Variants in UBE2O observed in about 807,000 individuals in gnomAD.
UBE2O encodes the protein (E3-independent) E2 ubiquitin-conjugating enzyme.
UBE2O carries 15 observed loss-of-function variants against 125.8 expected under a neutral mutation model. The observed-to-expected ratio is 0.12, with a 90% CI of 0.08 to 0.18. The LOEUF (loss-of-function observed/expected upper bound fraction) is 0.18, where lower values mean the gene tolerates loss of function less well. Ranked by LOEUF, UBE2O falls within the 10% of genes least tolerant of loss-of-function variation. UBE2O has a pLI of 1.00. For synonymous variants in UBE2O, 708 were observed against 703.2 expected, an observed-to-expected ratio of 1.01 and a Z score of -0.11; for missense variants, 1,280 against 1,723.6, an observed-to-expected ratio of 0.74 and a Z score of 4.56.
chr17:76,390,183 C>T lies in UBE2O; in HGVS notation c.*760G>A, dbSNP rs2072081082. The T allele has an allele frequency of 6.5e-6, 1 of 152,824 alleles. No homozygotes were observed. The highest frequency in any genetic ancestry group is 1.9e-4 in the East Asian group (1 of 5,200). 9.5% of individuals were successfully genotyped at this position (152,824 alleles called of 1,614,324 possible). ...GGCCTTGTGCAGCTGCTCTTGCCCC[C>T]AGCAGCCTCCGACAGAAGAGCAAGG... On this transcript the variant is annotated 3_prime_UTR_variant, in exon 18 of 18. Transcript: ENST00000319380.
At chr17:76,407,903 C>G (rs2072451503) in intron 1 of UBE2O, among the ~76,000 whole-genome samples, 1 of 152,216 alleles carries the variant, frequency 6.6e-6, no homozygotes, top group Non-Finnish European at 1.5e-5. Flanking sequence ...AGTTACATTT[C>G]TCCAAAGACC....
intron 1 of UBE2O, among the ~76,000 whole-genome samples, chr17:76,434,071 TTATTTC>T (rs1217542505): frequency 6.6e-6 from 1 of 152,222 alleles, no homozygotes; most frequent in Non-Finnish European, 1.5e-5. Context: ...CTATAGACTT[TTATTTC>T]CTAAGAAAGA....
Position 76,397,831 on chromosome 17 carries a change from C to A in UBE2O, c.2083G>T (p.Ala695Ser), listed in dbSNP as rs758205503. The change falls in exon 13 of 18, where the codon GCT becomes TCT. Residue 695 changes from alanine (A) to serine (S), a missense_variant. Transcript: ENST00000319380. ...AGGATGATGGTCTTTGAGTTGTCAG[C>A]CCACACCACCTCCACCTTGCTGCTG... is the stretch of plus-strand genomic sequence containing the variant. ...DVSSKVEVVW[A>S]DNSKTIILPQ... 1 of 1,614,198 alleles carries A rather than the reference C, an allele frequency of 6.2e-7. No individual in the cohort carries two copies. Among genetic ancestry groups the A allele is most frequent in the Non-Finnish European group, 8.5e-7 (1 of 1,180,044 alleles).
chr17:76,403,006 G>T (rs1357174335), intron 3 of UBE2O, among the ~76,000 whole-genome samples: 4 of 152,172 alleles, frequency 2.6e-5, no homozygotes, highest in Non-Finnish European at 5.9e-5. Flanking sequence ...GGACATCCAT[G>T]GACACAGGAC....
At chr17:76,419,214 G>T (rs2072667499) in intron 1 of UBE2O, among the ~76,000 whole-genome samples, 1 of 146,092 alleles carries the variant, frequency 6.8e-6, no homozygotes, top group South Asian at 2.2e-4. Flanking sequence ...AGCCCAGGGG[G>T]TCAAGGCTGC....
At chr17:76,437,417 T>C (rs898141504) in intron 1 of UBE2O, among the ~76,000 whole-genome samples, 1 of 135,054 alleles carries the variant, frequency 7.4e-6, no homozygotes, top group African/African-American at 2.9e-5. Flanking sequence ...GCCACTGCAC[T>C]CCAGCCTGGG....
chr17:76,398,501 T>C lies in UBE2O; in HGVS notation c.1867A>G (p.Lys623Glu). 2 of 1,614,062 alleles carry C rather than the reference T, an allele frequency of 1.2e-6. No homozygotes were observed. Among genetic ancestry groups the C allele is most frequent in the Non-Finnish European group, 1.7e-6 (2 of 1,179,984 alleles). ...ACGTCGTCCCCACTCGGCCTCAGCT[T>C]GAACCACTTCACCATGCAGGTACGG... Reference protein sequence around the residue: ...IGRTCMVKWFKLRPSGDDVEL... With the variant: ...IGRTCMVKWFELRPSGDDVEL... Residue 623 changes from lysine (K) to glutamate (E), a missense_variant, in exon 11 of 18, where the codon AAG becomes GAG. By Grantham distance (56) the Lys-to-Glu change is moderately conservative (BLOSUM62 1). Around this residue, in one of 10 missense-constraint regions of UBE2O, gnomAD observed 145 missense variants for 219.6 expected, o/e 0.66. Coordinates refer to ENST00000319380, the MANE Select transcript of UBE2O (RefSeq NM_022066.4). This position sits in a 1 kb window ranked among gnomAD's most constrained non-coding sequence, Gnocchi z 5.4.
chr17:76,396,255 C>A lies in UBE2O; in HGVS notation c.2682G>T (p.Gly894=). ...DVERKEDKPE[G]QSPVKAEWPS... is the part of the protein sequence containing the mutation. Reference sequence around the variant, plus strand: ...GCCACTCAGCCTTCACAGGTGACTGCCCCTCGGGCTTGTCCTCCTTGCGCT... The same window carrying A: ...GCCACTCAGCCTTCACAGGTGACTGACCCTCGGGCTTGTCCTCCTTGCGCT... The change falls in exon 14 of 18, where the codon GGG becomes GGT. Residue 894 remains glycine, a synonymous_variant. Coordinates refer to ENST00000319380, the MANE Select transcript of UBE2O (RefSeq NM_022066.4). This position sits in a 1 kb window ranked among gnomAD's most constrained non-coding sequence, Gnocchi z 6.7. The A allele has an allele frequency of 6.2e-7, 1 of 1,614,214 alleles. No individual in the cohort carries two copies. Among genetic ancestry groups the A allele is most frequent in the Non-Finnish European group, 8.5e-7 (1 of 1,180,036 alleles).
chr17:76,391,975 G>A lies in UBE2O; in HGVS notation c.3085C>T (p.Leu1029=), dbSNP rs143045605. The A allele has an allele frequency of 2.6e-4, 426 of 1,608,084 alleles. No homozygotes were observed. Among genetic ancestry groups the A allele is most frequent in the Admixed American group, 1.4e-3 (79 of 57,898 alleles). The part of the protein sequence containing the change: ...FCYLSQCSGR[L]NPNLYDNGKV... ...CCATTGTCATACAGGTTGGGGTTCA[G>A]GCGGCCACTGCATTGGGAGAGGTAG... Residue 1029 remains leucine, a synonymous_variant, in exon 16 of 18, where the codon CTG becomes TTG. Coordinates refer to ENST00000319380, the MANE Select transcript of UBE2O (RefSeq NM_022066.4). The surrounding 1 kb of genome is among the most constrained non-coding windows in gnomAD (Gnocchi z 8.4).
At chr17:76,401,894 A>G in intron 5 of UBE2O, 170 bp downstream of exon 5, 1 of 435,020 alleles carries the variant, frequency 2.3e-6, no homozygotes, top group Non-Finnish European at 4.0e-6. Context: ...AAAAAAAAAA[A>G]AGTTCTAATA....
chr17:76,439,336 C>T (rs988017765), intron 1 of UBE2O, among the ~76,000 whole-genome samples: 8 of 152,208 alleles, frequency 5.3e-5, no homozygotes, highest in Admixed American at 1.3e-4. Flanking sequence ...ACTTCTTCCA[C>T]CCCACCTCTA....
intron 1 of UBE2O, among the ~76,000 whole-genome samples, chr17:76,438,886 C>T (rs538965258): frequency 6.6e-6 from 1 of 152,290 alleles, no homozygotes; most frequent in Non-Finnish European, 1.5e-5. Flanking sequence ...TGACGCCATG[C>T]ACACCGAGGG....
chr17:76,390,815 G>T lies in UBE2O; in HGVS notation c.*128C>A. ...TGCACTTCAGCATCAAACTCACCTT[G>T]GGGAGAAGAGGGCAGTGGGTTTGCA... On this transcript the variant is annotated 3_prime_UTR_variant, in exon 18 of 18. Transcript: ENST00000319380. 1 of 917,504 alleles carries T rather than the reference G, an allele frequency of 1.1e-6. No homozygotes were observed. The highest frequency in any genetic ancestry group is 1.6e-6 in the Non-Finnish European group (1 of 616,320). The allele number at this position is 917,504 out of a possible 1,614,324, so 56.8% of individuals were successfully genotyped here.
At chr17:76,445,715 A>C (rs1157656045) in intron 1 of UBE2O, among the ~76,000 whole-genome samples, 3 of 152,244 alleles carry the variant, frequency 2.0e-5, no homozygotes, top group Non-Finnish European at 2.9e-5. Flanking sequence ...GGAGTAGATA[A>C]ATCCAGAGAG....
In UBE2O at chr17:76,394,646, T is replaced by C. The variant is rs553842169; in HGVS notation, c.2946+1079A>G. 3.9e-5 allele frequency among the ~76,000 whole-genome samples: 6 copies of C among 152,202 alleles called. 1 individual carries two copies. The East Asian group carries it at 9.7e-4, about 24-fold the overall frequency. On this transcript the variant is annotated intron_variant, in intron 15 of 17. Transcript: ENST00000319380. The stretch of plus-strand genomic sequence containing the variant: ...AATGTAAAAATATTTTTTTAGTGTA[T>C]AAATAATGTAAAAGTATAAAAAAAA...
At chr17:76,417,276 C>T (rs566469042) in intron 1 of UBE2O, among the ~76,000 whole-genome samples, 2 of 152,350 alleles carry the variant, frequency 1.3e-5, no homozygotes, top group South Asian at 4.1e-4. Context: ...CGAAAGTCAA[C>T]GACATCCCTG....
intron 1 of UBE2O, among the ~76,000 whole-genome samples, chr17:76,443,459 T>C (rs1280451724): frequency 1.3e-5 from 2 of 152,130 alleles, no homozygotes. Context: ...TGGCTAATTT[T>C]TGCATTTTTA....
chr17:76,423,960 TGCAGC>T lies in UBE2O; in HGVS notation c.418-18393_418-18389del, dbSNP rs768379519. Among the ~76,000 whole-genome samples the T allele has an allele frequency of 2.4e-3, 342 of 141,414 alleles. 1 individual carries two copies. Among genetic ancestry groups the T allele is most frequent in the Non-Finnish European group, 3.5e-3 (229 of 65,832 alleles). 92.8% of individuals were successfully genotyped at this position (141,414 alleles called of 152,430 possible). On this transcript the variant is annotated intron_variant, in intron 1 of 17. Coordinates refer to ENST00000319380, the MANE Select transcript of UBE2O (RefSeq NM_022066.4). ...TCTGTCACCCAGGCTGTAGTGCTAG[TGCAGC>T]GGCGCGATCTTGGCTCACTGCAAGC... is the stretch of plus-strand genomic sequence containing the variant.
chr17:76,399,796 C>T lies in UBE2O; in HGVS notation c.1281G>A (p.Ala427=), dbSNP rs377512923. The part of the protein sequence containing the change: ...KKGESKTKSE[A]ESASPEETPD... ...GCGTCTCCTCAGGGCTGGCAGACTC[C>T]GCTTCGCTCTTGGTTTTGGATTCCC... Residue 427 remains alanine (A), a synonymous_variant, in exon 9 of 18, where the codon GCG becomes GCA. Coordinates refer to ENST00000319380, the MANE Select transcript of UBE2O (RefSeq NM_022066.4). The surrounding 1 kb of genome is among the most constrained non-coding windows in gnomAD (Gnocchi z 6.9). 72 of 1,614,200 alleles carry T rather than the reference C, an allele frequency of 4.5e-5. No homozygotes were observed. The African/African-American group carries it at 7.1e-4, about 16-fold the overall frequency.
Sources: gnomAD v4.1 joint callset for allele counts (sites outside exome capture counted in the v4.1 genomes callset) on GRCh38, gnomAD v4.1.1 for gene constraint, gnomAD v4.1.1 regional missense constraint, Gnocchi (gnomAD v3.1) non-coding constraint, MANE v1.5 for transcripts, NCBI Gene and HGNC (gene_info 2026-07-23, HGNC 2026-07-21) for gene names.